SRGAP2: variants seen among roughly 807,000 people sequenced by gnomAD.
The protein encoded by SRGAP2 is SLIT-ROBO Rho GTPase-activating protein 2.
In SRGAP2, 15 loss-of-function variants were observed where a neutral mutation model predicts 57.2. The observed-to-expected ratio is 0.26, with a 90% CI of 0.18 to 0.40. The LOEUF (loss-of-function observed/expected upper bound fraction) is 0.40. Ranked by LOEUF, SRGAP2 falls within the 10% of genes least tolerant of loss-of-function variation. The probability of loss-of-function intolerance (pLI) is 1.00; values close to 1 mark genes in which losing one functional copy is unlikely to be tolerated. For missense variants in SRGAP2, 520 were observed against 669.6 expected, an observed-to-expected ratio of 0.78 and a Z score of 2.47; for synonymous variants, 249 against 248.0, an observed-to-expected ratio of 1.00 and a Z score of -0.04.
intron 18 of SRGAP2, 107 bp downstream of exon 18, chr1:206,446,406 C>T (rs1572176474): frequency 1.4e-6 from 1 of 716,060 alleles, no homozygotes; most frequent in East Asian, 2.5e-5. Flanking sequence ...ATCCTCCCAA[C>T]TCCTCACTCC....
rs1663643768 is a variant in SRGAP2 at position 206,454,507 on chromosome 1, C to A, written c.2361-371C>A. The A allele has an allele frequency of 2.4e-6, 1 of 424,070 alleles. No homozygotes were observed. Among genetic ancestry groups the A allele is most frequent in the Non-Finnish European group, 4.2e-6 (1 of 238,446 alleles). 26.3% of individuals were successfully genotyped at this position (424,070 alleles called of 1,614,324 possible). Reference sequence around the variant, plus strand: ...GTCCTTACCCGGCAGTGCTCAGGACCTCAGCCGATAAACCACAACCTGGAC... The same window carrying A: ...GTCCTTACCCGGCAGTGCTCAGGACATCAGCCGATAAACCACAACCTGGAC... On this transcript the variant is annotated intron_variant, in intron 20 of 22. Transcript: ENST00000573034. The surrounding 1 kb of genome is among the most constrained non-coding windows in gnomAD (Gnocchi z 4.3).
chr1:206,411,868 G>C (rs1234442662), intron 10 of SRGAP2, among the ~76,000 whole-genome samples: 2 of 152,294 alleles, frequency 1.3e-5, no homozygotes, highest in East Asian at 1.9e-4. Flanking sequence ...AAGATGCTTA[G>C]GGAAGGGATG....
chr1:206,411,858 A>G (rs1659252298), intron 10 of SRGAP2, among the ~76,000 whole-genome samples: 1 of 152,228 alleles, frequency 6.6e-6, no homozygotes, highest in African/African-American at 2.4e-5. Context: ...GCACAAAGCA[A>G]AGATGCTTAG....
chr1:206,441,062 A>G (rs1378306818), intron 17 of SRGAP2, among the ~76,000 whole-genome samples: 2 of 152,194 alleles, frequency 1.3e-5, no homozygotes, highest in African/African-American at 4.8e-5. Context: ...TTGCCCATGG[A>G]TTATACATAG....
chr1:206,303,981 C>T (rs1430124593), intron 3 of SRGAP2, among the ~76,000 whole-genome samples: 1 of 151,920 alleles, frequency 6.6e-6, no homozygotes, highest in African/African-American at 2.4e-5. Flanking sequence ...AGTCTGGCTG[C>T]AGGGTCTATA....
At chr1:206,293,131 C>T (rs1184493699) in intron 2 of SRGAP2, among the ~76,000 whole-genome samples, 1 of 152,230 alleles carries the variant, frequency 6.6e-6, no homozygotes, top group African/African-American at 2.4e-5. Context: ...TGAGCACATA[C>T]AGTGTGCCTC....
chr1:206,307,370 C>T (rs1371743059), intron 3 of SRGAP2, among the ~76,000 whole-genome samples: 1 of 152,292 alleles, frequency 6.6e-6, no homozygotes, highest in African/African-American at 2.4e-5. Context: ...CCACCAGACT[C>T]AGGAGCCCAG....
intron 13 of SRGAP2, among the ~76,000 whole-genome samples, chr1:206,426,361 C>G (rs1434902530): frequency 6.6e-6 from 1 of 152,116 alleles, no homozygotes; most frequent in Non-Finnish European, 1.5e-5. Flanking sequence ...CACATTTTAC[C>G]CATTCATCTA....
intron 1 of SRGAP2, 40 bp downstream of exon 1, chr1:206,203,690 G>T: frequency 2.0e-6 from 2 of 1,004,906 alleles, no homozygotes; most frequent in South Asian, 1.7e-5. Context: ...CCTCCCGGCC[G>T]CCGGGCTGGA....
chr1:206,306,234 G>A (rs1415107072), intron 3 of SRGAP2, among the ~76,000 whole-genome samples: 2 of 151,742 alleles, frequency 1.3e-5, no homozygotes, highest in East Asian at 3.9e-4. Flanking sequence ...AGCTCTTAAG[G>A]TGGTGTGTCT....
Position 206,437,173 on chromosome 1 carries a change from C to T in SRGAP2, c.1633+131C>T, listed in dbSNP as rs555593586. ...TCCCTGTCTCTTCAGGGGGTACCTG[C>T]TGTCTTGTACACATTCCCCTGTAGA... is the stretch of plus-strand genomic sequence containing the variant. On this transcript the variant is annotated intron_variant, in intron 15 of 22. Coordinates refer to ENST00000573034, the MANE Select transcript of SRGAP2 (RefSeq NM_015326.5). The T allele has an allele frequency of 4.4e-6, 3 of 678,522 alleles. No homozygotes were observed. The South Asian group carries it at 4.9e-5, about 11-fold the overall frequency. The allele number at this position is 678,522 out of a possible 1,614,324, so 42.0% of individuals were successfully genotyped here. A position where few individuals can be genotyped will look rare whatever the true frequency, so the allele number is the denominator to read the frequency against.
intron 4 of SRGAP2, among the ~76,000 whole-genome samples, chr1:206,378,414 G>A (rs1419540806): frequency 1.3e-5 from 2 of 152,096 alleles, no homozygotes; most frequent in Non-Finnish European, 2.9e-5. Context: ...TTGAGCCCAA[G>A]AGTTCAAGGC....
intron 4 of SRGAP2, among the ~76,000 whole-genome samples, chr1:206,354,782 T>TC (rs1192707909): frequency 2.3e-5 from 3 of 130,432 alleles, no homozygotes; most frequent in African/African-American, 2.9e-5. Flanking sequence ...TCTCTCTCCC[T>TC]CCCCCCCTTC....
intron 4 of SRGAP2, among the ~76,000 whole-genome samples, chr1:206,375,957 AGAG>A (rs1655158803): frequency 6.7e-6 from 1 of 150,120 alleles, no homozygotes; most frequent in Non-Finnish European, 1.5e-5. Context: ...TTTCTGTCCT[AGAG>A]GAGAGAGGTC....
At chr1:206,409,818 G>A (rs1553358797) in intron 10 of SRGAP2, among the ~76,000 whole-genome samples, 3 of 151,098 alleles carry the variant, frequency 2.0e-5, no homozygotes, top group Non-Finnish European at 4.4e-5. Flanking sequence ...AAATAAATCT[G>A]CTGGGCGTGG....
chr1:206,461,344 C>T lies in SRGAP2; in HGVS notation c.3140C>T (p.Pro1047Leu). The T allele has an allele frequency of 2.6e-6, 2 of 780,944 alleles. No individual in the cohort carries two copies. Among genetic ancestry groups the T allele is most frequent in the South Asian group, 1.3e-5 (1 of 74,628 alleles). 48.4% of individuals were successfully genotyped at this position (780,944 alleles called of 1,614,324 possible). A position where few individuals can be genotyped will look rare whatever the true frequency, so the allele number is the denominator to read the frequency against. ...ACACGGCCCAAGCCCACTGTCTTCC[C>T]CAAAACAAATGCCACTAGCCCTGGT... ...PATRPKPTVF[P>L]KTNATSPGVN... Residue 1047 changes from proline to leucine, a missense_variant, in exon 23 of 23, where the codon CCC becomes CTC. Coordinates refer to ENST00000573034, the MANE Select transcript of SRGAP2 (RefSeq NM_015326.5).
rs1671981009 is a variant in SRGAP2, at chr1:206,303,269, T to C, written c.68-12T>C. On this transcript the variant is annotated splice_polypyrimidine_tract_variant and intron_variant, in intron 2 of 22. Coordinates refer to ENST00000573034, the MANE Select transcript of SRGAP2 (RefSeq NM_015326.5). ...CGGTCTTTCTGACTGTCTTCTCTTG[T>C]TTTTGTTGTAGAGATCCGTGCTCAG... 2.1e-6 allele frequency: 3 copies of C among 1,437,430 alleles called. No individual in the cohort carries two copies. The highest frequency in any genetic ancestry group is 3.0e-5 in the African/African-American group (2 of 66,716). 89.0% of individuals were successfully genotyped at this position (1,437,430 alleles called of 1,614,324 possible).
intron 22 of SRGAP2, among the ~76,000 whole-genome samples, chr1:206,460,203 A>C (rs1195945596): frequency 6.6e-6 from 1 of 152,204 alleles, no homozygotes; most frequent in African/African-American, 2.4e-5. Context: ...ATCCTGTGGT[A>C]GTTTGGGGGT....
chr1:206,412,565 A>C (rs1246889468), intron 10 of SRGAP2, among the ~76,000 whole-genome samples: 6 of 152,234 alleles, frequency 3.9e-5, no homozygotes, highest in Non-Finnish European at 8.8e-5. Flanking sequence ...AACATGCCCT[A>C]AGTAAGGAGA....
Sources: allele counts gnomAD v4.1 joint callset (sites outside exome capture counted in the v4.1 genomes callset), GRCh38; gene constraint gnomAD v4.1.1; non-coding constraint Gnocchi (gnomAD v3.1); transcripts MANE v1.5; gene names NCBI Gene and HGNC (gene_info 2026-07-23, HGNC 2026-07-21).